COA1: variants seen among roughly 807,000 people sequenced by gnomAD.
COA1 encodes cytochrome c oxidase assembly factor 1 homolog.
COA1 carries 13 observed loss-of-function variants against 16.0 expected under a neutral mutation model. The ratio of observed to expected loss-of-function variants is 0.81; its 90% CI spans 0.53 to 1.29. The LOEUF (loss-of-function observed/expected upper bound fraction) is 1.29, where lower values mean the gene tolerates loss of function less well. Ranked by LOEUF, COA1 falls within the 50% of genes most tolerant of loss-of-function variation. The pLI is 0.00. For synonymous variants in COA1, 65 were observed against 65.7 expected, an observed-to-expected ratio of 0.99 and a Z score of 0.05; for missense variants, 179 against 177.0, an observed-to-expected ratio of 1.01 and a Z score of -0.06.
chr7:43,615,469 G>A (rs187578183), intron 6 of COA1, among the ~76,000 whole-genome samples: 24 of 151,444 alleles, frequency 1.6e-4, no homozygotes, highest in Admixed American at 7.2e-4. Context: ...GAGCCACTGC[G>A]CCCAGCCCTT....
intron 6 of COA1, among the ~76,000 whole-genome samples, chr7:43,621,069 G>T (rs902423303): frequency 7.2e-5 from 11 of 152,196 alleles, no homozygotes; most frequent in Non-Finnish European, 1.5e-4. Flanking sequence ...GAGCTATCCG[G>T]AGCACAGAAA....
intron 6 of COA1, among the ~76,000 whole-genome samples, chr7:43,620,560 G>C (rs1051227769): frequency 6.6e-6 from 1 of 152,060 alleles, no homozygotes; most frequent in African/African-American, 2.4e-5. Context: ...TGTAGTCCCA[G>C]CTACTCGGGA....
At chr7:43,619,484 A>G in intron 6 of COA1, 1 of 1,294,480 alleles carries the variant, frequency 7.7e-7, no homozygotes, top group Admixed American at 2.2e-5. Flanking sequence ...ATGACTGTTT[A>G]CTGTTAAATT....
At chr7:43,705,213 C>G (rs1468599461) in intron 1 of COA1, among the ~76,000 whole-genome samples, 1 of 152,196 alleles carries the variant, frequency 6.6e-6, no homozygotes, top group Non-Finnish European at 1.5e-5. Context: ...CTGGCAACAA[C>G]ACTCCGATGG....
intron 1 of COA1, among the ~76,000 whole-genome samples, chr7:43,677,432 A>C (rs1428058410): frequency 6.6e-6 from 1 of 152,212 alleles, no homozygotes; most frequent in Non-Finnish European, 1.5e-5. Context: ...GGATAATAAA[A>C]CAGAGGTTTG....
At chr7:43,649,070 C>G (rs1336058248) in intron 1 of COA1, 1 of 160,996 alleles carries the variant, frequency 6.2e-6, no homozygotes, top group African/African-American at 2.4e-5. Context: ...AACAATAGTA[C>G]AGTAAACTTA....
In COA1 at chr7:43,710,375, A is replaced by AAAAAAT. The variant is rs761592421; in HGVS notation, c.-39+19053_-39+19054insATTTTT. Among the ~76,000 whole-genome samples, 77 of 36,422 alleles carry AAAAAAT rather than the reference A, an allele frequency of 2.1e-3. 5 individuals are homozygous for AAAAAAT. Among genetic ancestry groups the AAAAAAT allele is most frequent in the Non-Finnish European group, 2.8e-3 (59 of 21,326 alleles). 23.9% of individuals were successfully genotyped at this position (36,422 alleles called of 152,430 possible). On this transcript the variant is annotated intron_variant, in intron 1 of 5. Transcript: ENST00000223336. ...AAAAAAAAAAAAAAAAAAAAAAAAA[A>AAAAAAT]ATATATATATATATATATATTTTTA...
At chr7:43,704,430 C>A (rs1269424329) in intron 1 of COA1, among the ~76,000 whole-genome samples, 2 of 152,192 alleles carry the variant, frequency 1.3e-5, no homozygotes, top group Non-Finnish European at 2.9e-5. Flanking sequence ...ACTGCTCTCC[C>A]CCCATCTCTT....
intron 1 of COA1, among the ~76,000 whole-genome samples, chr7:43,719,138 T>C (rs138973033): frequency 1.1e-3 from 166 of 152,216 alleles, no homozygotes; most frequent in African/African-American, 3.9e-3. Flanking sequence ...CAGCTAATTT[T>C]TGTATTTTTA....
chr7:43,717,673 A>G (rs2132009072), intron 1 of COA1, among the ~76,000 whole-genome samples: 1 of 152,078 alleles, frequency 6.6e-6, no homozygotes, highest in African/African-American at 2.4e-5. Context: ...AAATGTGAGG[A>G]CATGAGATTT....
chr7:43,661,676 A>G (rs1284304695), intron 1 of COA1, among the ~76,000 whole-genome samples: 1 of 151,602 alleles, frequency 6.6e-6, no homozygotes, highest in Admixed American at 6.6e-5. Context: ...AGAAAATACC[A>G]GTTTCCTAGA....
chr7:43,696,028 A>G (rs868862190), intron 1 of COA1, among the ~76,000 whole-genome samples: 39 of 152,226 alleles, frequency 2.6e-4, no homozygotes, highest in African/African-American at 9.2e-4. Flanking sequence ...AGGACTGGGG[A>G]GGCCTCACAA....
At chr7:43,674,904 G>C (rs1281961195) in intron 1 of COA1, among the ~76,000 whole-genome samples, 1 of 152,174 alleles carries the variant, frequency 6.6e-6, no homozygotes, top group East Asian at 1.9e-4. Flanking sequence ...GTTGATAGAC[G>C]TGCTTGGCTG....
intron 1 of COA1, among the ~76,000 whole-genome samples, chr7:43,653,610 T>C (rs1465191766): frequency 6.6e-6 from 1 of 152,164 alleles, no homozygotes; most frequent in African/African-American, 2.4e-5. Flanking sequence ...TAACCCTTTA[T>C]TCTTAATCAC....
At chr7:43,619,731 T>C (rs779478171) in intron 6 of COA1, 2 of 1,612,726 alleles carry the variant, frequency 1.2e-6, no homozygotes, top group African/African-American at 2.7e-5. Flanking sequence ...TGGGTAAGTA[T>C]TCATAAAAGT....
chr7:43,669,560 G>C (rs184554764), intron 1 of COA1, among the ~76,000 whole-genome samples: 2 of 152,164 alleles, frequency 1.3e-5, no homozygotes, highest in East Asian at 3.9e-4. Flanking sequence ...TGAGTGACAT[G>C]CCTGGTCAAA....
At chr7:43,621,591 C>A (rs375089581) in intron 6 of COA1, among the ~76,000 whole-genome samples, 12 of 152,160 alleles carry the variant, frequency 7.9e-5, no homozygotes, top group African/African-American at 2.7e-4. Flanking sequence ...CCTCAGCCTC[C>A]CGAGTAGCTG....
chr7:43,638,999 G>A (rs982530325), downstream of COA1: 4 of 152,246 alleles, frequency 2.6e-5, no homozygotes, highest in African/African-American at 9.7e-5. Context: ...TCTTCAACTG[G>A]GCAGATGGTT....
At chr7:43,688,198 G>A (rs2094125810) in intron 1 of COA1, among the ~76,000 whole-genome samples, 1 of 152,112 alleles carries the variant, frequency 6.6e-6, no homozygotes, top group African/African-American at 2.4e-5. Flanking sequence ...AACTAATACG[G>A]ACAGGAGTAT....
Sources: gnomAD v4.1 joint callset for allele counts (sites outside exome capture counted in the v4.1 genomes callset) on GRCh38, gnomAD v4.1.1 for gene constraint, MANE v1.5 for transcripts, NCBI Gene and HGNC (gene_info 2026-07-23, HGNC 2026-07-21) for gene names.